GSDME: variants seen among roughly 807,000 people sequenced by gnomAD.
GSDME encodes gasdermin E, also known as gasdermin-E.
Under a neutral mutation model 47.5 loss-of-function variants are expected in GSDME, and 44 were observed. The observed-to-expected ratio is 0.93, with a 90% CI of 0.73 to 1.19. The LOEUF (loss-of-function observed/expected upper bound fraction) is 1.19. Ranked by LOEUF, GSDME falls within the 50% of genes most tolerant of loss-of-function variation. The probability of loss-of-function intolerance (pLI) is 0.00; values close to 1 mark genes in which losing one functional copy is unlikely to be tolerated. For missense variants in GSDME, 663 were observed against 604.2 expected (o/e 1.10, Z -1.02); for synonymous variants, 258 against 252.8 (o/e 1.02, Z -0.20).
Position 24,756,096 on chromosome 7 carries a change from C to T in GSDME, c.-20+1300G>A, listed in dbSNP as rs1791007459. Among the ~76,000 whole-genome samples the T allele has an allele frequency of 6.6e-6, 1 of 152,138 alleles. No homozygotes were observed. The highest frequency in any genetic ancestry group is 1.5e-5 in the Non-Finnish European group (1 of 68,022). ...CATCATTTCTTTCTAAAATAAAAAT[C>T]GGTATGTGAACGCAATGATGGTCAT... On this transcript the variant is annotated intron_variant, in intron 1 of 9. Transcript: ENST00000645220. The surrounding 1 kb of genome is among the most constrained non-coding windows in gnomAD (Gnocchi z 4.2).
At chr7:24,794,533 G>T in the GSDME span, among the ~76,000 whole-genome samples, 1 of 152,242 alleles carries the variant, frequency 6.6e-6, no homozygotes, top group Admixed American at 6.5e-5. Flanking sequence ...TATGGAAACT[G>T]ATCTGGGTGT....
chr7:24,734,104 A>G (rs991402952), intron 3 of GSDME, among the ~76,000 whole-genome samples: 3 of 152,180 alleles, frequency 2.0e-5, no homozygotes, highest in Non-Finnish European at 2.9e-5. Flanking sequence ...GTTTTGGAGA[A>G]AGTAAGGGAA....
At position 24,732,099 on chromosome 7, in the gene GSDME, C is replaced by T. The variant is rs189912911; in HGVS notation, c.404+12463G>A. ...AGAAACACAGCAAAAAGAGAATCAG[C>T]GACAGGACCAGAATCAGGGAACTCA... On this transcript the variant is annotated intron_variant, in intron 3 of 9. Transcript: ENST00000645220. The surrounding 1 kb of genome is among the most constrained non-coding windows in gnomAD (Gnocchi z 4.8). Among the ~76,000 whole-genome samples the T allele has an allele frequency of 7.9e-5, 12 of 152,278 alleles. No individual in the cohort carries two copies. The East Asian group carries it at 1.5e-3, about 20-fold the overall frequency.
At chr7:24,749,135 T>G (rs1790772189) in intron 2 of GSDME, among the ~76,000 whole-genome samples, 2 of 152,184 alleles carry the variant, frequency 1.3e-5, no homozygotes, top group South Asian at 4.1e-4. Flanking sequence ...AAGGATATGT[T>G]TTTAAGATGA....
In GSDME at chr7:24,714,086, C is replaced by T. The variant is rs1295243235; in HGVS notation, c.697+3168G>A. Among the ~76,000 whole-genome samples the T allele has an allele frequency of 1.3e-5, 2 of 152,152 alleles. No homozygotes were observed. Among genetic ancestry groups the T allele is most frequent in the African/African-American group, 2.4e-5 (1 of 41,422 alleles). ...CCAACTGGAAGTTGGTGCTGAAGGA[C>T]GCTAGCAAATGCCAAGATGTATAAA... is the stretch of plus-strand genomic sequence containing the variant. On this transcript the variant is annotated intron_variant, in intron 5 of 9. Coordinates refer to ENST00000645220, the MANE Select transcript of GSDME (RefSeq NM_001127453.2). The surrounding 1 kb of genome is among the most constrained non-coding windows in gnomAD (Gnocchi z 5.0).
chr7:24,774,782 C>T, the GSDME span, among the ~76,000 whole-genome samples: 8 of 152,252 alleles, frequency 5.3e-5, no homozygotes, highest in African/African-American at 1.4e-4. Flanking sequence ...TCGCCCAACT[C>T]GGCCTCCCAA....
rs775179190 is a variant in GSDME at position 24,757,035 on chromosome 7, G to C, written c.-20+361C>G. Among the ~76,000 whole-genome samples the C allele has an allele frequency of 1.3e-5, 2 of 151,148 alleles. No individual in the cohort carries two copies. Among genetic ancestry groups the C allele is most frequent in the Non-Finnish European group, 3.0e-5 (2 of 67,694 alleles). On this transcript the variant is annotated intron_variant, in intron 1 of 9. Coordinates refer to ENST00000645220, the MANE Select transcript of GSDME (RefSeq NM_001127453.2). This position sits in a 1 kb window ranked among gnomAD's most constrained non-coding sequence, Gnocchi z 5.9. The stretch of plus-strand genomic sequence containing the variant: ...AAGGATGAACGAATGGGGAGGGGGG[G>C]TTTGGGGGGTTGGGAGAACGAAAAT...
chr7:24,789,764 C>G, the GSDME span, among the ~76,000 whole-genome samples: 3 of 152,200 alleles, frequency 2.0e-5, no homozygotes, highest in Non-Finnish European at 4.4e-5. Flanking sequence ...CTTTGAGAAT[C>G]TCACTGAATA....
chr7:24,707,799 C>T (rs928568081), intron 7 of GSDME: 7 of 515,486 alleles, frequency 1.4e-5, no homozygotes, highest in East Asian at 1.2e-4. Context: ...GACAAGGCAG[C>T]AGAATTCTCT....
chr7:24,729,459 C>T (rs537328065), intron 3 of GSDME, among the ~76,000 whole-genome samples: 32 of 152,370 alleles, frequency 2.1e-4, no homozygotes, highest in East Asian at 1.9e-4. Flanking sequence ...AGGAGGGAAA[C>T]GGACACAGAC....
the GSDME span, among the ~76,000 whole-genome samples, chr7:24,778,605 T>C: frequency 2.0e-5 from 3 of 152,158 alleles, no homozygotes; most frequent in African/African-American, 4.8e-5. This position sits in a 1 kb window ranked among gnomAD's most constrained non-coding sequence, Gnocchi z 5.6. Flanking sequence ...ATCGACCTTG[T>C]TGGCTGGCCG....
chr7:24,717,487 C>T, intron 4 of GSDME, 113 bp from the exon 5 acceptor site: 1 of 1,528,454 alleles, frequency 6.5e-7, no homozygotes, highest in Non-Finnish European at 8.9e-7. Context: ...GCAATGTCCA[C>T]AGAACCGAGT....
the GSDME span, among the ~76,000 whole-genome samples, chr7:24,765,571 C>G: frequency 3.3e-5 from 5 of 152,168 alleles, no homozygotes; most frequent in African/African-American, 9.7e-5. Context: ...TACGTCACTC[C>G]CCTTTTCTGT....
chr7:24,741,799 T>A (rs1790501231), intron 3 of GSDME, among the ~76,000 whole-genome samples: 2 of 152,132 alleles, frequency 1.3e-5, no homozygotes, highest in African/African-American at 4.8e-5. Context: ...ACAACGTGGA[T>A]AAGAATTTAT....
chr7:24,723,785 C>G (rs1458625989), intron 3 of GSDME, among the ~76,000 whole-genome samples: 1 of 152,222 alleles, frequency 6.6e-6, no homozygotes, highest in Non-Finnish European at 1.5e-5. Flanking sequence ...TCTATTAACT[C>G]TTGTATTGCT....
At chr7:24,729,193 G>A (rs987244838) in intron 3 of GSDME, among the ~76,000 whole-genome samples, 1 of 152,212 alleles carries the variant, frequency 6.6e-6, no homozygotes, top group African/African-American at 2.4e-5. Flanking sequence ...CGCAGCTGAT[G>A]CCCAGAAGTG....
rs66692319 is a variant in GSDME at position 24,749,497 on chromosome 7, C to CAAA, written c.211+64_211+66dup. 3.9e-3 allele frequency: 4,324 copies of CAAA among 1,096,984 alleles called. 4 individuals carry two copies. Among genetic ancestry groups the CAAA allele is most frequent in the East Asian group, 6.8e-3 (267 of 39,202 alleles). 68.0% of individuals were successfully genotyped at this position (1,096,984 alleles called of 1,614,324 possible). A position where few individuals can be genotyped will look rare whatever the true frequency, so the allele number is the denominator to read the frequency against. ...AGCATGGGCGACAGAGACTCTGTGT[C>CAAA]AAAAAAAAAAAAAAAAAGGATCATC... On this transcript the variant is annotated intron_variant, in intron 2 of 9. Transcript: ENST00000645220.
In GSDME at chr7:24,719,137, G is replaced by A. The variant is rs781327973; in HGVS notation, c.486C>T (p.Ile162=). Reference sequence around the variant, plus strand: ...AGATCACACACTTCTGCATCGTCGTGATCTTCTGTGTCAAAACGCACAGGA... The same window carrying A: ...AGATCACACACTTCTGCATCGTCGTAATCTTCTGTGTCAAAACGCACAGGA... ...NEVLCVLTQK[I]TTMQKCVISE... Residue 162 remains isoleucine, a synonymous_variant, in exon 4 of 10, where the codon ATC becomes ATT. Transcript: ENST00000645220. The A allele has an allele frequency of 1.5e-5, 25 of 1,613,902 alleles. 1 individual carries two copies. In the South Asian group the frequency reaches 2.6e-4, roughly 17 times the overall value.
At position 24,735,220 on chromosome 7, in the gene GSDME, G is replaced by A. The variant is rs1320665507; in HGVS notation, c.404+9342C>T. 6.6e-6 allele frequency among the ~76,000 whole-genome samples: 1 copy of A among 152,178 alleles called. No homozygotes were observed. The highest frequency in any genetic ancestry group is 1.5e-5 in the Non-Finnish European group (1 of 68,024). ...AAAACTATCCTTCAAACATGAAGGA[G>A]AAACATAGACTTTCTCAAAGAAAAG... On this transcript the variant is annotated intron_variant, in intron 3 of 9. Transcript: ENST00000645220. This position sits in a 1 kb window ranked among gnomAD's most constrained non-coding sequence, Gnocchi z 4.4.
Sources: allele counts gnomAD v4.1 joint callset (sites outside exome capture counted in the v4.1 genomes callset), GRCh38; gene constraint gnomAD v4.1.1; non-coding constraint Gnocchi (gnomAD v3.1); transcripts MANE v1.5; gene names NCBI Gene and HGNC (gene_info 2026-07-23, HGNC 2026-07-21).